RAD51AP1: variants seen among roughly 807,000 people sequenced by gnomAD.
RAD51AP1 encodes the protein RAD51 associated protein 1, also known as RAD51-associated protein 1.
In RAD51AP1, 14 loss-of-function variants were observed where a neutral mutation model predicts 34.3. That is an observed-to-expected ratio of 0.41 (90% CI 0.27 to 0.64). The LOEUF (loss-of-function observed/expected upper bound fraction) is 0.64, where lower values mean the gene tolerates loss of function less well. Ranked by LOEUF, RAD51AP1 falls within the 30% of genes least tolerant of loss-of-function variation. RAD51AP1 has a pLI of 0.33. For missense variants in RAD51AP1, 348 were observed against 386.9 expected (o/e 0.90, Z 0.84); for synonymous variants, 114 against 129.8 (o/e 0.88, Z 0.83).
At chr12:4,542,952 G>A (rs1256012275) in intron 2 of RAD51AP1, among the ~76,000 whole-genome samples, 1 of 152,180 alleles carries the variant, frequency 6.6e-6, no homozygotes, top group Non-Finnish European at 1.5e-5. Flanking sequence ...GTAATGGAAA[G>A]AGAAAATACT....
intron 6 of RAD51AP1, among the ~76,000 whole-genome samples, chr12:4,549,908 C>G (rs191625744): frequency 6.6e-6 from 1 of 152,264 alleles, no homozygotes; most frequent in East Asian, 1.9e-4. Context: ...CATTTGCATA[C>G]CCGTGTTCAT....
chr12:4,540,699 A>C (rs1462878795), intron 1 of RAD51AP1, among the ~76,000 whole-genome samples: 1 of 152,214 alleles, frequency 6.6e-6, no homozygotes, highest in East Asian at 1.9e-4. Flanking sequence ...TTCAGAATTT[A>C]TAAAGGGGTT....
chr12:4,544,704 C>G (rs1374678433), intron 3 of RAD51AP1, among the ~76,000 whole-genome samples: 1 of 151,948 alleles, frequency 6.6e-6, no homozygotes, highest in Non-Finnish European at 1.5e-5. Flanking sequence ...GGGACTGTAT[C>G]CAGAGTATAC....
At chr12:4,544,599 G>A (rs1342184352) in intron 3 of RAD51AP1, among the ~76,000 whole-genome samples, 2 of 151,772 alleles carry the variant, frequency 1.3e-5, no homozygotes, top group Non-Finnish European at 2.9e-5. Flanking sequence ...CTTTTTTTTG[G>A]TTTTTGTTTG....
chr12:4,549,173 G>C (rs35711623), intron 6 of RAD51AP1, among the ~76,000 whole-genome samples: 13,823 of 152,180 alleles, frequency 0.091, 709 homozygotes, highest in Non-Finnish European at 0.11. Flanking sequence ...GGCTCGAGAG[G>C]GAGGCTGGTA....
At chr12:4,548,024 C>T (rs1944518456) in intron 4 of RAD51AP1, 68 bp from the exon 5 acceptor site, 2 of 1,443,930 alleles carry the variant, frequency 1.4e-6, no homozygotes, top group Non-Finnish European at 1.9e-6. Context: ...CATTTTAGTA[C>T]TAATTTTCCT....
At chr12:4,545,297 G>A (rs1944498156) in intron 3 of RAD51AP1, 1 of 429,580 alleles carries the variant, frequency 2.3e-6, no homozygotes, top group Non-Finnish European at 4.6e-6. Flanking sequence ...CTGAGTGAAA[G>A]AAGCCAGATA....
At chr12:4,552,024 GAGATTACAGAGT>G (rs1565526561) in intron 6 of RAD51AP1, among the ~76,000 whole-genome samples, 3 of 152,110 alleles carry the variant, frequency 2.0e-5, no homozygotes, top group African/African-American at 7.2e-5. Context: ...TCTGAGTGGT[GAGATTACAGAGT>G]AGATTTTCTT....
At chr12:4,554,552 GCTT>G (rs1398486078) in intron 7 of RAD51AP1, among the ~76,000 whole-genome samples, 3 of 152,088 alleles carry the variant, frequency 2.0e-5, no homozygotes, top group African/African-American at 7.2e-5. Flanking sequence ...GTTTGTTTAT[GCTT>G]CTTCACCAAG....
intron 6 of RAD51AP1, chr12:4,550,620 A>G (rs1192627074): frequency 1.3e-5 from 2 of 152,426 alleles, no homozygotes; most frequent in Admixed American, 6.5e-5. Flanking sequence ...GAAGATCATA[A>G]TGACATTGTT....
Position 4,539,149 on chromosome 12 carries a change from C to T in RAD51AP1, c.17+193C>T, listed in dbSNP as rs577496408. 1.8e-4 allele frequency among the ~76,000 whole-genome samples: 28 copies of T among 152,320 alleles called. No homozygotes were observed. The South Asian group carries it at 5.4e-3, about 29-fold the overall frequency. ...CCTAGCATCGTAGCTTTTTCCTTCT[C>T]TTTGCCTCCCTTCACAACCGTCGCC... On this transcript the variant is annotated intron_variant, in intron 1 of 8. Coordinates refer to ENST00000352618, the MANE Select transcript of RAD51AP1 (RefSeq NM_006479.5).
chr12:4,549,497 T>C (rs1042473656), intron 6 of RAD51AP1, among the ~76,000 whole-genome samples: 1 of 152,190 alleles, frequency 6.6e-6, no homozygotes, highest in Non-Finnish European at 1.5e-5. Flanking sequence ...TCGACTAATA[T>C]TTGAATGCTT....
At chr12:4,553,494 C>T (rs1234215344) in intron 7 of RAD51AP1, among the ~76,000 whole-genome samples, 1 of 152,112 alleles carries the variant, frequency 6.6e-6, no homozygotes, top group Admixed American at 6.5e-5. Context: ...GAATTTGAAC[C>T]CATGTTTGTC....
At chr12:4,556,575 C>T in intron 8 of RAD51AP1, 73 bp downstream of exon 8, 2 of 1,524,008 alleles carry the variant, frequency 1.3e-6, no homozygotes, top group Non-Finnish European at 1.8e-6. Context: ...TAGTTACAAA[C>T]ATCATGTGTG....
At chr12:4,539,332 G>A (rs1944436211) in intron 1 of RAD51AP1, among the ~76,000 whole-genome samples, 1 of 152,114 alleles carries the variant, frequency 6.6e-6, no homozygotes, top group African/African-American at 2.4e-5. Context: ...CGTATAGAGG[G>A]TAAGTTATCT....
chr12:4,542,036 A>G (rs534430151), intron 2 of RAD51AP1, 103 bp downstream of exon 2: 6 of 582,306 alleles, frequency 1.0e-5, no homozygotes, highest in African/African-American at 3.9e-5. Context: ...GCCCAAATGC[A>G]TATGAGGTAG....
At chr12:4,555,720 A>G (rs1219866516) in intron 7 of RAD51AP1, among the ~76,000 whole-genome samples, 2 of 152,100 alleles carry the variant, frequency 1.3e-5, no homozygotes. Context: ...TTACTCTTCA[A>G]TCTTGATTTG....
At chr12:4,541,277 T>C (rs1172617718) in intron 1 of RAD51AP1, among the ~76,000 whole-genome samples, 1 of 152,200 alleles carries the variant, frequency 6.6e-6, no homozygotes, top group African/African-American at 2.4e-5. Context: ...AAAACATTTC[T>C]GGTTCCAAGC....
chr12:4,547,320 T>G (rs2137260504), intron 4 of RAD51AP1, among the ~76,000 whole-genome samples: 1 of 152,302 alleles, frequency 6.6e-6, no homozygotes, highest in Admixed American at 6.5e-5. Flanking sequence ...TGCCTCAGCC[T>G]CCCAAAGTGC....
Sources: allele counts gnomAD v4.1 joint callset (sites outside exome capture counted in the v4.1 genomes callset), GRCh38; gene constraint gnomAD v4.1.1; transcripts MANE v1.5; gene names NCBI Gene and HGNC (gene_info 2026-07-23, HGNC 2026-07-21).